The following CFAP47 variants were observed in gnomAD, a reference collection of about 807,000 sequenced individuals.
The protein encoded by CFAP47 is cilia- and flagella-associated protein 47.
CFAP47 carries 29 observed loss-of-function variants against 148.1 expected under a neutral mutation model. The observed-to-expected ratio is 0.20, with a 90% confidence interval of 0.15 to 0.27. The LOEUF (loss-of-function observed/expected upper bound fraction) is 0.27. Among genes scored for constraint, CFAP47 ranks in the 10% least tolerant of loss-of-function variants. CFAP47 has a pLI of 1.00. For synonymous variants in CFAP47, 664 were observed against 577.3 expected (o/e 1.15, Z -2.15); for missense variants, 1,872 against 1,697.5 (o/e 1.10, Z -1.81).
At chrX:36,227,931 G>T (rs1405692640) in intron 45 of CFAP47, among the ~76,000 whole-genome samples, 3 of 112,093 alleles carry the variant, frequency 2.7e-5, no homozygotes, top group Non-Finnish European at 5.6e-5. Context: ...TGAAAGGAAA[G>T]AATGAGAATA....
In CFAP47 at chrX:35,924,010, A is replaced by T. The variant is rs6632400; in HGVS notation, c.250-2007A>T. 8.7e-5 allele frequency among the ~76,000 whole-genome samples: 8 copies of T among 92,162 alleles called. No homozygotes were observed. In the East Asian group the frequency reaches 2.4e-3, roughly 27 times the overall value. 80.0% of individuals were successfully genotyped at this position (92,162 alleles called of 115,157 possible). A position where few individuals can be genotyped will look rare whatever the true frequency, so the allele number is the denominator to read the frequency against. On this transcript the variant is annotated intron_variant, in intron 1 of 63. Coordinates refer to ENST00000378653, the MANE Select transcript of CFAP47 (RefSeq NM_001304548.2). The stretch of plus-strand genomic sequence containing the variant: ...ATGTACATATATGTGTATATGTGTA[A>T]ATATATATGCACATATATATGCACA...
At chrX:36,203,379 G>A (rs1366401919) in intron 44 of CFAP47, among the ~76,000 whole-genome samples, 2 of 111,142 alleles carry the variant, frequency 1.8e-5, no homozygotes, top group East Asian at 2.8e-4. Flanking sequence ...ATTACCTCTT[G>A]TCAAAACATT....
intron 42 of CFAP47, among the ~76,000 whole-genome samples, chrX:36,193,239 A>G (rs113388533): frequency 7.9e-4 from 88 of 111,992 alleles, no homozygotes; most frequent in African/African-American, 2.3e-3. Context: ...ATGAATGTTT[A>G]TAACATTAAT....
chrX:36,255,434 G>C (rs1176387305), intron 49 of CFAP47, among the ~76,000 whole-genome samples: 1 of 112,571 alleles, frequency 8.9e-6, no homozygotes, highest in Non-Finnish European at 1.9e-5. Context: ...AGCTGGGATG[G>C]CTCTTCAGAG....
At chrX:36,268,653 A>G (rs782592548) in intron 49 of CFAP47, among the ~76,000 whole-genome samples, 5 of 112,093 alleles carry the variant, frequency 4.5e-5, no homozygotes, top group African/African-American at 1.6e-4. Flanking sequence ...TTGTGTGTGT[A>G]TGTGTGTCTG....
At chrX:35,985,839 A>T (rs1368089915) in intron 15 of CFAP47, 3 of 242,193 alleles carry the variant, frequency 1.2e-5, no homozygotes, top group African/African-American at 8.7e-5. Context: ...GGCAGTCCCC[A>T]TGCCAAACCC....
At chrX:36,226,983 C>T (rs1380435930) in intron 45 of CFAP47, among the ~76,000 whole-genome samples, 2 of 110,781 alleles carry the variant, frequency 1.8e-5, no homozygotes, top group South Asian at 7.5e-4. Flanking sequence ...ATTACATATT[C>T]TAAATATTTT....
chrX:36,009,601 C>G (rs940801641), intron 21 of CFAP47, among the ~76,000 whole-genome samples: 3 of 112,057 alleles, frequency 2.7e-5, no homozygotes, highest in Admixed American at 9.5e-5. Flanking sequence ...GTTGAAACCT[C>G]AGGAAAATAA....
At chrX:35,925,790 G>A (rs1601878921) in intron 1 of CFAP47, among the ~76,000 whole-genome samples, 1 of 111,829 alleles carries the variant, frequency 8.9e-6, no homozygotes, top group Non-Finnish European at 1.9e-5. Flanking sequence ...CTGAGTAGCT[G>A]GGACTACAGC....
rs763067772 is a variant in CFAP47 at position 35,953,580 on chromosome X, A to AT, written c.1047-5dup. On this transcript the variant is annotated splice_polypyrimidine_tract_variant and intron_variant, in intron 6 of 63. Coordinates refer to ENST00000378653, the MANE Select transcript of CFAP47 (RefSeq NM_001304548.2). ...TTTGCTTTAAAAATAACTCATTGTG[A>AT]TTTTTTTACAGGCTAATGGCTGTTG... The AT allele has an allele frequency of 2.8e-5, 33 of 1,166,558 alleles. No homozygotes were observed. In the Admixed American group the frequency reaches 5.5e-4, roughly 19 times the overall value.
intron 49 of CFAP47, among the ~76,000 whole-genome samples, chrX:36,272,324 T>C (rs1414069136): frequency 9.1e-6 from 1 of 109,730 alleles, no homozygotes; most frequent in African/African-American, 3.3e-5. Flanking sequence ...GCAACAGTTT[T>C]TTAGGATGCT....
At chrX:36,240,223 A>G (rs1400287056) in intron 48 of CFAP47, among the ~76,000 whole-genome samples, 1 of 111,756 alleles carries the variant, frequency 8.9e-6, no homozygotes, top group African/African-American at 3.3e-5. Context: ...AAGCAAAAGG[A>G]CAAGGAAGCA....
At chrX:36,219,451 C>T (rs1940192208) in intron 45 of CFAP47, among the ~76,000 whole-genome samples, 1 of 111,162 alleles carries the variant, frequency 9.0e-6, no homozygotes, top group South Asian at 3.8e-4. Context: ...TTTCCCTTGG[C>T]CCAGAGGGGG....
At chrX:36,337,803 T>A (rs1346739304) in intron 57 of CFAP47, among the ~76,000 whole-genome samples, 4 of 107,078 alleles carry the variant, frequency 3.7e-5, no homozygotes, top group African/African-American at 1.3e-4. Context: ...CTGAATCCCA[T>A]ACCTACTCAA....
chrX:36,087,722 A>G (rs770690525), intron 30 of CFAP47, among the ~76,000 whole-genome samples: 1 of 112,055 alleles, frequency 8.9e-6, no homozygotes, highest in East Asian at 2.8e-4. Flanking sequence ...TTTGTGTGGT[A>G]TAAGGAATGA....
intron 45 of CFAP47, 87 bp downstream of exon 45, chrX:36,205,197 C>A (rs890947891): frequency 1.0e-5 from 3 of 289,699 alleles, no homozygotes; most frequent in African/African-American, 8.2e-5. Flanking sequence ...AGAGATTACA[C>A]TTTTACTGAC....
At chrX:36,308,196 C>T (rs895371516) in intron 55 of CFAP47, among the ~76,000 whole-genome samples, 1 of 111,476 alleles carries the variant, frequency 9.0e-6, no homozygotes, top group Admixed American at 9.5e-5. Context: ...AATTCTTTAT[C>T]AAACACAAAA....
At chrX:36,114,933 G>A (rs1313114773) in intron 33 of CFAP47, among the ~76,000 whole-genome samples, 1 of 112,283 alleles carries the variant, frequency 8.9e-6, no homozygotes, top group Non-Finnish European at 1.9e-5. Context: ...GTTCACTCCA[G>A]TGGTGGAGGC....
At chrX:36,097,157 C>G (rs898857906) in intron 30 of CFAP47, among the ~76,000 whole-genome samples, 2 of 111,331 alleles carry the variant, frequency 1.8e-5, no homozygotes, top group Non-Finnish European at 3.8e-5. Context: ...AACTTCAGCC[C>G]CTCGCTTTTT....
Sources: gnomAD v4.1 joint callset for allele counts (sites outside exome capture counted in the v4.1 genomes callset) on GRCh38, gnomAD v4.1.1 for gene constraint, MANE v1.5 for transcripts, NCBI Gene and HGNC (gene_info 2026-07-23, HGNC 2026-07-21) for gene names.